The following CDIN1 variants were observed in gnomAD, a reference collection of about 807,000 sequenced individuals.
CDIN1 encodes CDAN1 interacting nuclease 1.
CDIN1 carries 33 observed loss-of-function variants against 45.3 expected under a neutral mutation model. The observed-to-expected ratio is 0.73, with a 90% CI of 0.55 to 0.97. The LOEUF is 0.97. Ranked by LOEUF, CDIN1 falls within the 50% of genes least tolerant of loss-of-function variation. The pLI, the probability that CDIN1 is intolerant of heterozygous loss-of-function variation, is 0.00. For missense variants in CDIN1, 303 were observed against 339.4 expected, an observed-to-expected ratio of 0.89 and a Z score of 0.84; for synonymous variants, 118 against 124.4, an observed-to-expected ratio of 0.95 and a Z score of 0.34.
intron 5 of CDIN1, among the ~76,000 whole-genome samples, chr15:36,670,148 AC>A (rs2041394825): frequency 6.6e-6 from 1 of 152,086 alleles, no homozygotes; most frequent in Non-Finnish European, 1.5e-5. Flanking sequence ...ATTTTGAGAT[AC>A]AGTCCCACTA....
At chr15:36,685,375 T>G (rs563307977) in intron 5 of CDIN1, among the ~76,000 whole-genome samples, 58 of 151,880 alleles carry the variant, frequency 3.8e-4, no homozygotes, top group African/African-American at 1.4e-3. Flanking sequence ...TCAGTTTCCA[T>G]GTAGTTGAGC....
chr15:36,602,542 C>A (rs540850605), intron 1 of CDIN1, among the ~76,000 whole-genome samples: 2 of 152,256 alleles, frequency 1.3e-5, no homozygotes, highest in Admixed American at 1.3e-4. Flanking sequence ...TGTTATAATT[C>A]AATAACAATA....
chr15:36,621,098 G>C (rs1166049175), intron 1 of CDIN1, among the ~76,000 whole-genome samples: 1 of 152,162 alleles, frequency 6.6e-6, no homozygotes, highest in African/African-American at 2.4e-5. Context: ...CATGTTTAGA[G>C]TTCTATGTAA....
Position 36,742,253 on chromosome 15 carries a change from T to C in CDIN1, c.716+32292T>C, listed in dbSNP as rs1036432541. Among the ~76,000 whole-genome samples, 10 of 152,318 alleles carry C rather than the reference T, an allele frequency of 6.6e-5. No homozygotes were observed. The East Asian group carries it at 9.6e-4, about 15-fold the overall frequency. ...ACAAGACCAGCTGGAAGCCAATTTA[T>C]ATCTATAAATACATAAAATAGAGTA... On this transcript the variant is annotated intron_variant, in intron 10 of 10. Transcript: ENST00000566621.
At chr15:36,758,760 T>C (rs557344561) in intron 10 of CDIN1, among the ~76,000 whole-genome samples, 48 of 152,336 alleles carry the variant, frequency 3.2e-4, no homozygotes, top group African/African-American at 1.1e-3. Context: ...ATTCATACTA[T>C]GTTATTTGTA....
chr15:36,717,974 C>G (rs74008759), intron 10 of CDIN1, among the ~76,000 whole-genome samples: 1 of 152,096 alleles, frequency 6.6e-6, no homozygotes, highest in African/African-American at 2.4e-5. Flanking sequence ...TGCCTGTTTT[C>G]TTGGAAAAGT....
intron 10 of CDIN1, among the ~76,000 whole-genome samples, chr15:36,727,864 T>C (rs2043694953): frequency 6.6e-6 from 1 of 152,204 alleles, no homozygotes; most frequent in African/African-American, 2.4e-5. Context: ...CGTAATACTT[T>C]GGCCGGTAAA....
chr15:36,589,086 GA>G (rs1256787246), intron 1 of CDIN1, among the ~76,000 whole-genome samples: 1 of 151,746 alleles, frequency 6.6e-6, no homozygotes, highest in Non-Finnish European at 1.5e-5. Flanking sequence ...TTCTCTAGGG[GA>G]AAAAAAGGTT....
intron 10 of CDIN1, among the ~76,000 whole-genome samples, chr15:36,724,567 A>G (rs1162438186): frequency 2.6e-5 from 4 of 152,130 alleles, no homozygotes; most frequent in Non-Finnish European, 1.5e-5. Flanking sequence ...TGGGAGAGGA[A>G]TGTGAGTGAT....
At chr15:36,648,061 G>C (rs533839229) in intron 3 of CDIN1, among the ~76,000 whole-genome samples, 4 of 152,122 alleles carry the variant, frequency 2.6e-5, no homozygotes, top group African/African-American at 7.2e-5. Context: ...GGATGGTCTC[G>C]ATCTCCTGAC....
rs76841643 is a variant in CDIN1, at chr15:36,726,699, A to G, written c.716+16738A>G. Among the ~76,000 whole-genome samples the G allele has an allele frequency of 7.0e-3, 1,062 of 152,280 alleles. 7 individuals carry two copies. Among genetic ancestry groups the G allele is most frequent in the Non-Finnish European group, 0.01 (712 of 68,030 alleles). On this transcript the variant is annotated intron_variant, in intron 10 of 10. Coordinates refer to ENST00000566621, the MANE Select transcript of CDIN1 (RefSeq NM_001321759.2). Reference sequence around the variant, plus strand: ...TGTTTCTAACCATTCTCCATCTAACATTGCAACCCACCACTCAGCACTATT... The same window carrying G: ...TGTTTCTAACCATTCTCCATCTAACGTTGCAACCCACCACTCAGCACTATT...
At chr15:36,689,196 G>A (rs2042157877) in intron 5 of CDIN1, among the ~76,000 whole-genome samples, 1 of 152,064 alleles carries the variant, frequency 6.6e-6, no homozygotes, top group South Asian at 2.1e-4. Context: ...TATATTGTGA[G>A]GAAAATTATG....
intron 7 of CDIN1, among the ~76,000 whole-genome samples, chr15:36,695,335 A>G (rs1038021795): frequency 2.0e-5 from 3 of 152,168 alleles, no homozygotes; most frequent in African/African-American, 7.2e-5. Context: ...AGGACAATGA[A>G]GGTAATGATT....
At chr15:36,692,090 G>T (rs111358886) in intron 6 of CDIN1, 36 bp from the exon 7 acceptor site, 2 of 1,602,756 alleles carry the variant, frequency 1.2e-6, no homozygotes, top group Admixed American at 3.4e-5. Flanking sequence ...TTTTGTAGCC[G>T]CCCCACCCCA....
chr15:36,614,362 G>A (rs2038788550), intron 1 of CDIN1, among the ~76,000 whole-genome samples: 1 of 152,090 alleles, frequency 6.6e-6, no homozygotes, highest in South Asian at 2.1e-4. Context: ...TTGCCAAACT[G>A]TCTCTGCCTC....
intron 10 of CDIN1, among the ~76,000 whole-genome samples, chr15:36,741,603 C>T (rs995371931): frequency 2.0e-5 from 3 of 151,932 alleles, no homozygotes; most frequent in African/African-American, 7.3e-5. Context: ...TCTCACAGTT[C>T]TGGAGGCTGG....
chr15:36,609,391 T>G (rs1393157248), intron 1 of CDIN1, among the ~76,000 whole-genome samples: 2 of 152,158 alleles, frequency 1.3e-5, no homozygotes, highest in Non-Finnish European at 2.9e-5. Flanking sequence ...AAATAAAAAC[T>G]TGTATAAACC....
At chr15:36,609,747 G>A (rs1263576022) in intron 1 of CDIN1, among the ~76,000 whole-genome samples, 5 of 152,204 alleles carry the variant, frequency 3.3e-5, no homozygotes, top group African/African-American at 1.2e-4. Context: ...TTGCTGCAGT[G>A]CTAAGAGCAT....
At chr15:36,737,184 A>G (rs1386132709) in intron 10 of CDIN1, among the ~76,000 whole-genome samples, 1 of 151,448 alleles carries the variant, frequency 6.6e-6, no homozygotes, top group Admixed American at 6.6e-5. Context: ...AAAAAAAACA[A>G]AAATTGCTTC....
Sources: allele counts gnomAD v4.1 joint callset (sites outside exome capture counted in the v4.1 genomes callset), GRCh38; gene constraint gnomAD v4.1.1; transcripts MANE v1.5; gene names NCBI Gene and HGNC (gene_info 2026-07-23, HGNC 2026-07-21).